The following RIMS2 variants were observed in gnomAD, a reference collection of about 807,000 sequenced individuals.
RIMS2 encodes regulating synaptic membrane exocytosis 2, also known as regulating synaptic membrane exocytosis protein 2.
In RIMS2, 59 loss-of-function variants were observed where a neutral mutation model predicts 174.4. The ratio of observed to expected loss-of-function variants is 0.34; its 90% CI spans 0.27 to 0.42. The LOEUF is 0.42. Ranked by LOEUF, RIMS2 falls within the 10% of genes least tolerant of loss-of-function variation. The pLI, the probability that RIMS2 is intolerant of heterozygous loss-of-function variation, is 1.00. For missense variants in RIMS2, 1,620 were observed against 1,666.3 expected, an observed-to-expected ratio of 0.97 and a Z score of 0.48; for synonymous variants, 606 against 572.5, an observed-to-expected ratio of 1.06 and a Z score of -0.84.
At chr8:103,875,626 A>C (rs1394286485) in intron 3 of RIMS2, among the ~76,000 whole-genome samples, 1 of 152,012 alleles carries the variant, frequency 6.6e-6, no homozygotes, top group Non-Finnish European at 1.5e-5. Context: ...AGATACTCTC[A>C]GTAGTGGGTT....
chr8:103,570,773 GTC>G (rs1425281743), intron 1 of RIMS2, among the ~76,000 whole-genome samples: 23 of 152,076 alleles, frequency 1.5e-4, no homozygotes, highest in Admixed American at 1.5e-3. Flanking sequence ...CACTAGTCTA[GTC>G]TCTGTTTTGT....
At chr8:103,500,933 C>G in exon 1 of RIMS2, 18 of 1,607,768 alleles carry the variant, frequency 1.1e-5, no homozygotes, top group Non-Finnish European at 1.5e-5. Flanking sequence ...CCCATCCCGG[C>G]GGCCTCTCAG....
At chr8:103,672,870 C>T (rs538674301) in intron 1 of RIMS2, among the ~76,000 whole-genome samples, 6 of 152,208 alleles carry the variant, frequency 3.9e-5, no homozygotes, top group Admixed American at 6.5e-5. Flanking sequence ...GTCCAAAGTC[C>T]GAAGTTTCAT....
chr8:104,144,977 T>A (rs2133793918), intron 19 of RIMS2, among the ~76,000 whole-genome samples: 1 of 152,184 alleles, frequency 6.6e-6, no homozygotes, highest in South Asian at 2.1e-4. Context: ...TCCCTCCCCA[T>A]CCCCCACCAT....
intron 2 of RIMS2, among the ~76,000 whole-genome samples, chr8:103,702,985 G>GTTT (rs35590857): frequency 0.026 from 2,818 of 107,062 alleles, 121 homozygotes; most frequent in African/African-American, 0.085. Flanking sequence ...TTGTGAGTTT[G>GTTT]TTTTTTTTTT....
At chr8:103,665,921 G>C (rs903784646) in intron 1 of RIMS2, among the ~76,000 whole-genome samples, 1 of 152,060 alleles carries the variant, frequency 6.6e-6, no homozygotes, top group African/African-American at 2.4e-5. Flanking sequence ...CACAACTAAT[G>C]CCTCTTTTCC....
intron 1 of RIMS2, among the ~76,000 whole-genome samples, chr8:103,602,001 G>A (rs1175958066): frequency 2.6e-5 from 4 of 151,462 alleles, no homozygotes; most frequent in African/African-American, 9.7e-5. Context: ...TTTTGAGATG[G>A]TGTCTCACTC....
At chr8:103,937,999 C>A (rs947899196) in intron 13 of RIMS2, among the ~76,000 whole-genome samples, 4 of 152,130 alleles carry the variant, frequency 2.6e-5, no homozygotes, top group African/African-American at 7.2e-5. Context: ...CAGGCACCCA[C>A]CCCCATGCCC....
intron 3 of RIMS2, among the ~76,000 whole-genome samples, chr8:103,836,208 T>C (rs988069324): frequency 2.0e-5 from 3 of 152,158 alleles, no homozygotes; most frequent in Admixed American, 6.5e-5. Context: ...AAATGAAAAG[T>C]GTGTGCTGAA....
At chr8:104,215,076 T>G (rs1379066751) in intron 19 of RIMS2, among the ~76,000 whole-genome samples, 1 of 152,226 alleles carries the variant, frequency 6.6e-6, no homozygotes, top group Non-Finnish European at 1.5e-5. Flanking sequence ...TCTTATGTCT[T>G]CATACATAAT....
chr8:104,112,092 A>G lies in RIMS2; in HGVS notation c.3334+97477A>G, dbSNP rs530460643. ...CTATTTCCACTATTAATTGGAATATACCCTCTTCATTAAAAGAATTAATTT... is the reference window on the plus strand; with the variant it reads ...CTATTTCCACTATTAATTGGAATATGCCCTCTTCATTAAAAGAATTAATTT... On this transcript the variant is annotated intron_variant, in intron 19 of 23. Transcript: ENST00000504942. 9.8e-5 allele frequency among the ~76,000 whole-genome samples: 15 copies of G among 152,326 alleles called. No individual in the cohort carries two copies. The East Asian group carries it at 2.9e-3, about 29-fold the overall frequency.
intron 19 of RIMS2, among the ~76,000 whole-genome samples, chr8:104,153,804 A>AAAAAGG (rs2098704851): frequency 6.6e-6 from 1 of 152,232 alleles, no homozygotes; most frequent in African/African-American, 2.4e-5. Context: ...GGAAAAACAA[A>AAAAAGG]AAAAGGATAT....
chr8:104,131,956 A>G (rs1295621334), intron 19 of RIMS2, among the ~76,000 whole-genome samples: 3 of 152,194 alleles, frequency 2.0e-5, no homozygotes, highest in Non-Finnish European at 4.4e-5. Context: ...TTATGTTATT[A>G]TTGTGATTAT....
intron 3 of RIMS2, among the ~76,000 whole-genome samples, chr8:103,803,234 A>C (rs2098627293): frequency 6.6e-6 from 1 of 152,126 alleles, no homozygotes; most frequent in South Asian, 2.1e-4. Context: ...GAATAACTGA[A>C]TAACTTGAAT....
chr8:104,206,869 A>G (rs1047570214), intron 19 of RIMS2, among the ~76,000 whole-genome samples: 4 of 152,202 alleles, frequency 2.6e-5, no homozygotes, highest in African/African-American at 7.2e-5. Flanking sequence ...GTGTCTTACA[A>G]GGGAGGGATA....
intron 19 of RIMS2, among the ~76,000 whole-genome samples, chr8:104,242,495 C>G (rs1027607939): frequency 6.6e-6 from 1 of 152,162 alleles, no homozygotes; most frequent in Non-Finnish European, 1.5e-5. Context: ...TTCAAGTACA[C>G]TCGTAGCATT....
intron 2 of RIMS2, among the ~76,000 whole-genome samples, chr8:103,705,822 A>C (rs2097218085): frequency 6.6e-6 from 1 of 150,588 alleles, no homozygotes; most frequent in South Asian, 2.1e-4. Flanking sequence ...TCTAGGCAGC[A>C]TATATTTGGA....
At chr8:104,060,263 A>G (rs2096957988) in intron 19 of RIMS2, among the ~76,000 whole-genome samples, 1 of 150,674 alleles carries the variant, frequency 6.6e-6, no homozygotes, top group African/African-American at 2.4e-5. Context: ...TTATTGGTCT[A>G]TTCAGAGATT....
Position 103,974,754 on chromosome 8 carries a change from G to A in RIMS2, c.2771-596G>A, listed in dbSNP as rs2093263734. Among the ~76,000 whole-genome samples the A allele has an allele frequency of 2.6e-5, 4 of 152,272 alleles. No homozygotes were observed. In the South Asian group the frequency reaches 8.3e-4, roughly 32 times the overall value. Reference sequence around the variant, plus strand: ...TACTGTAAGAAAAATGATAGGTGCAGTGGCACGGGCCTGTAGTCCCAGCTA... The same window carrying A: ...TACTGTAAGAAAAATGATAGGTGCAATGGCACGGGCCTGTAGTCCCAGCTA... On this transcript the variant is annotated intron_variant, in intron 15 of 23. Transcript: ENST00000504942.
Sources: allele counts gnomAD v4.1 joint callset (sites outside exome capture counted in the v4.1 genomes callset), GRCh38; gene constraint gnomAD v4.1.1; transcripts MANE v1.5; gene names NCBI Gene and HGNC (gene_info 2026-07-23, HGNC 2026-07-21).